Variants in RFX3 observed in about 807,000 individuals in gnomAD.
The protein encoded by RFX3 is transcription factor RFX3.
RFX3 carries 14 observed loss-of-function variants against 98.6 expected under a neutral mutation model. The observed-to-expected ratio is 0.14, with a 90% confidence interval of 0.09 to 0.22. The LOEUF (loss-of-function observed/expected upper bound fraction) is 0.22. Among genes scored for constraint, RFX3 ranks in the 10% least tolerant of loss-of-function variants. The probability of loss-of-function intolerance (pLI) is 1.00; values close to 1 mark genes in which losing one functional copy is unlikely to be tolerated. For synonymous variants in RFX3, 383 were observed against 328.4 expected (o/e 1.17, Z -1.80); for missense variants, 639 against 926.9 (o/e 0.69, Z 4.03).
intron 1 of RFX3, among the ~76,000 whole-genome samples, chr9:3,404,585 T>C (rs150289971): frequency 1.1e-4 from 17 of 152,260 alleles, no homozygotes; most frequent in African/African-American, 4.1e-4. Context: ...ATAGCTATAT[T>C]ATCTAAAGTT....
Position 3,470,844 on chromosome 9 carries a change from G to C in RFX3, c.-9+54903C>G, listed in dbSNP as rs111437170. 2.8e-4 allele frequency among the ~76,000 whole-genome samples: 43 copies of C among 152,182 alleles called. 1 individual carries two copies. Among genetic ancestry groups the C allele is most frequent in the Non-Finnish European group, 2.9e-5 (2 of 68,036 alleles). On this transcript the variant is annotated intron_variant, in intron 1 of 16. Coordinates refer to ENST00000617270, the MANE Select transcript of RFX3 (RefSeq NM_001282116.2). ...CCTTGTCTTTAAATGAGCAGGATAA[G>C]ATAGATGACCTTCACAGGGCTCTTC...
intron 2 of RFX3, among the ~76,000 whole-genome samples, chr9:3,349,485 T>C (rs1027967637): frequency 2.6e-5 from 4 of 152,098 alleles, no homozygotes; most frequent in Non-Finnish European, 5.9e-5. Flanking sequence ...TTACATGAAA[T>C]ATCTATGTGG....
intron 4 of RFX3, among the ~76,000 whole-genome samples, chr9:3,320,295 G>A (rs192669023): frequency 6.6e-6 from 1 of 152,230 alleles, no homozygotes; most frequent in Non-Finnish European, 1.5e-5. Context: ...GCTCACGCCT[G>A]TAGTCCCAGC....
intron 1 of RFX3, among the ~76,000 whole-genome samples, chr9:3,448,559 C>G (rs1011920098): frequency 6.6e-6 from 1 of 152,154 alleles, no homozygotes; most frequent in African/African-American, 2.4e-5. Flanking sequence ...GTCGCCCAGG[C>G]TAGACTGCGG....
chr9:3,311,508 A>C (rs1829957616), intron 4 of RFX3, among the ~76,000 whole-genome samples: 1 of 152,212 alleles, frequency 6.6e-6, no homozygotes, highest in Non-Finnish European at 1.5e-5. Context: ...TTTTGCATTT[A>C]GTCTCTATAA....
At chr9:3,276,683 A>C (rs936249241) in intron 8 of RFX3, among the ~76,000 whole-genome samples, 1 of 152,064 alleles carries the variant, frequency 6.6e-6, no homozygotes, top group Non-Finnish European at 1.5e-5. Flanking sequence ...ACACACAGAC[A>C]CATACACACA....
chr9:3,347,211 C>CT (rs1296725109), intron 2 of RFX3, among the ~76,000 whole-genome samples: 6 of 151,912 alleles, frequency 3.9e-5, no homozygotes, highest in Admixed American at 3.9e-4. Context: ...GTCCCAGTTA[C>CT]TTGGGAGGCT....
chr9:3,330,208 A>G (rs2073752003), intron 4 of RFX3, 51 bp downstream of exon 4: 1 of 1,583,704 alleles, frequency 6.3e-7, no homozygotes, highest in African/African-American at 1.3e-5. Context: ...GGAAATGTTC[A>G]TTAGAGACTA....
At chr9:3,427,346 C>CATA (rs920816618) in intron 1 of RFX3, among the ~76,000 whole-genome samples, 3 of 135,536 alleles carry the variant, frequency 2.2e-5, no homozygotes, top group African/African-American at 8.3e-5. Flanking sequence ...TATTGTATTA[C>CATA]ATAATACTAT....
chr9:3,351,192 G>A (rs1169508857), intron 2 of RFX3, among the ~76,000 whole-genome samples: 2 of 152,012 alleles, frequency 1.3e-5, no homozygotes, highest in East Asian at 3.9e-4. Context: ...CATGTGTGAA[G>A]CGAGGGGTTT....
At chr9:3,372,550 C>CTT (rs553629010) in intron 2 of RFX3, among the ~76,000 whole-genome samples, 10 of 135,650 alleles carry the variant, frequency 7.4e-5, no homozygotes, top group South Asian at 2.4e-4. Context: ...TTCTTTCTTT[C>CTT]TTTTTTTTTT....
At chr9:3,381,578 T>C (rs1839199371) in intron 2 of RFX3, among the ~76,000 whole-genome samples, 1 of 152,138 alleles carries the variant, frequency 6.6e-6, no homozygotes, top group Non-Finnish European at 1.5e-5. Context: ...AATGGGACAA[T>C]GCTTCTTTAA....
chr9:3,285,290 T>C (rs1418987320), intron 7 of RFX3, among the ~76,000 whole-genome samples: 1 of 151,866 alleles, frequency 6.6e-6, no homozygotes, highest in Non-Finnish European at 1.5e-5. Context: ...ATGTCATTTG[T>C]ATTTTTACAA....
rs747657807 is a variant in RFX3 at position 3,225,107 on chromosome 9, T to C, written c.2185A>G (p.Ile729Val). The C allele has an allele frequency of 1.9e-6, 3 of 1,613,986 alleles. No individual in the cohort carries two copies. Among genetic ancestry groups the C allele is most frequent in the East Asian group, 2.2e-5 (1 of 44,878 alleles). The change falls in exon 17 of 17, where the codon ATT (isoleucine) becomes GTT (valine). Residue 729 changes from isoleucine (I) to valine (V), a missense_variant. By Grantham distance (29) the Ile-to-Val change is conservative (BLOSUM62 3). This residue lies in a region of RFX3 where 129 missense variants were observed against 124.6 expected (regional missense o/e 1.04). Transcript: ENST00000617270. ...SLLNPIHSEH[I>V]VTSTQTIRQC... ...CTGATAGTCTGAGTACTTGTGACAA[T>C]GTGCTCGCTGTGAATTGGATTCAGG...
At chr9:3,233,942 T>C (rs1818808232) in intron 15 of RFX3, among the ~76,000 whole-genome samples, 1 of 152,204 alleles carries the variant, frequency 6.6e-6, no homozygotes, top group Non-Finnish European at 1.5e-5. Context: ...TCAGTCCGAC[T>C]CTACTATCCC....
At chr9:3,333,743 G>C (rs7042345) in intron 3 of RFX3, among the ~76,000 whole-genome samples, 27,954 of 152,072 alleles carry the variant, frequency 0.18, 5,554 homozygotes, top group African/African-American at 0.5. Context: ...AATACTTTGA[G>C]AGATGCGGGA....
intron 1 of RFX3, among the ~76,000 whole-genome samples, chr9:3,505,097 TTA>T (rs1300334362): frequency 1.0e-5 from 1 of 96,972 alleles, no homozygotes; most frequent in Non-Finnish European, 1.8e-5. Flanking sequence ...TTTTATATAT[TTA>T]GATTTATTTT....
At chr9:3,505,074 T>C (rs1487303275) in intron 1 of RFX3, among the ~76,000 whole-genome samples, 19 of 94,098 alleles carry the variant, frequency 2.0e-4, no homozygotes, top group Non-Finnish European at 2.0e-4. Flanking sequence ...TAATAAAATA[T>C]AAAAATAAAA....
chr9:3,465,458 C>CT (rs34093115), intron 1 of RFX3, among the ~76,000 whole-genome samples: 103,277 of 129,614 alleles, frequency 0.8, 42,607 homozygotes, highest in Non-Finnish European at 0.89. Flanking sequence ...GCCCAGGTAA[C>CT]TTTTTTTTTT....
Sources: allele counts gnomAD v4.1 joint callset (sites outside exome capture counted in the v4.1 genomes callset), GRCh38; gene constraint gnomAD v4.1.1; regional missense constraint gnomAD v4.1.1; transcripts MANE v1.5; gene names NCBI Gene and HGNC (gene_info 2026-07-23, HGNC 2026-07-21).